CAPN9: variants seen among roughly 807,000 people sequenced by gnomAD.
CAPN9 encodes the protein calpain 9, also known as calpain-9.
CAPN9 carries 81 observed loss-of-function variants against 92.8 expected under a neutral mutation model. That is an observed-to-expected ratio of 0.87 (90% confidence interval 0.73 to 1.05). The LOEUF (loss-of-function observed/expected upper bound fraction) is 1.05. Among genes scored for constraint, CAPN9 ranks in the 50% least tolerant of loss-of-function variants. The pLI is 0.00. For synonymous variants in CAPN9, 304 were observed against 328.0 expected (o/e 0.93, Z 0.79); for missense variants, 848 against 866.2 (o/e 0.98, Z 0.26).
At chr1:230,757,064 G>A (rs1273792949) in intron 2 of CAPN9, among the ~76,000 whole-genome samples, 1 of 44,676 alleles carries the variant, frequency 2.2e-5, no homozygotes, top group Non-Finnish European at 6.9e-5. Context: ...AAGGAAGGAA[G>A]GAAAGGAGAA....
chr1:230,771,561 G>A (rs1430697629), intron 6 of CAPN9, among the ~76,000 whole-genome samples: 1 of 152,178 alleles, frequency 6.6e-6, no homozygotes, highest in Non-Finnish European at 1.5e-5. Context: ...TCTGTGCATG[G>A]GATGCTAGGA....
chr1:230,781,793 C>T (rs898027396), intron 11 of CAPN9, among the ~76,000 whole-genome samples: 4 of 152,166 alleles, frequency 2.6e-5, no homozygotes, highest in Admixed American at 6.5e-5. Flanking sequence ...TTTCATCTTT[C>T]GTTTAGTGAG....
At chr1:230,763,950 C>T (rs1665803669) in intron 4 of CAPN9, among the ~76,000 whole-genome samples, 1 of 152,184 alleles carries the variant, frequency 6.6e-6, no homozygotes, top group Admixed American at 6.5e-5. Context: ...TGGTGAGTGC[C>T]CCCCACATCA....
At chr1:230,754,638 A>C (rs9969999) in intron 1 of CAPN9, among the ~76,000 whole-genome samples, 1 of 62,372 alleles carries the variant, frequency 1.6e-5, no homozygotes, top group East Asian at 3.2e-4. Flanking sequence ...CCCCATCTCC[A>C]CAAAAAAAAA....
intron 4 of CAPN9, among the ~76,000 whole-genome samples, chr1:230,767,155 G>A (rs534160819): frequency 2.0e-5 from 3 of 152,214 alleles, no homozygotes; most frequent in African/African-American, 7.2e-5. Flanking sequence ...TGAGACACAC[G>A]ATTTGAACCT....
chr1:230,779,301 G>A (rs1448071724), intron 9 of CAPN9, among the ~76,000 whole-genome samples, 168 bp downstream of exon 9: 1 of 152,132 alleles, frequency 6.6e-6, no homozygotes, highest in African/African-American at 2.4e-5. Flanking sequence ...GAATTGTTTG[G>A]GGAAACCTCC....
intron 12 of CAPN9, among the ~76,000 whole-genome samples, chr1:230,786,856 C>T (rs1234327520): frequency 6.6e-6 from 1 of 152,038 alleles, no homozygotes; most frequent in Non-Finnish European, 1.5e-5. Context: ...TTACATCTCC[C>T]CTATGTTATG....
At chr1:230,757,797 T>C (rs1333169077) in intron 2 of CAPN9, among the ~76,000 whole-genome samples, 1 of 138,480 alleles carries the variant, frequency 7.2e-6, no homozygotes, top group Non-Finnish European at 1.6e-5. Flanking sequence ...GGGGTAGGGG[T>C]GGAGCTGGGT....
chr1:230,750,524 A>G (rs187630848), intron 1 of CAPN9, among the ~76,000 whole-genome samples: 153 of 152,066 alleles, frequency 1.0e-3, no homozygotes, highest in African/African-American at 3.2e-3. Context: ...CTCTTCTTGC[A>G]GCATAGAGTC....
intron 13 of CAPN9, among the ~76,000 whole-genome samples, chr1:230,789,785 A>G (rs1016871941): frequency 6.6e-6 from 1 of 152,218 alleles, no homozygotes; most frequent in Non-Finnish European, 1.5e-5. Context: ...TGCCTCCAAC[A>G]TAGGAATCAT....
At position 230,780,196 on chromosome 1, in the gene CAPN9, C is replaced by A. The variant is rs1319810317; in HGVS notation, c.1132C>A (p.Pro378Thr). Residue 378 changes from proline to threonine, a missense_variant, in exon 10 of 20, where the codon CCA becomes ACA. By Grantham distance (38) the Pro-to-Thr change is conservative (BLOSUM62 -1). Transcript: ENST00000271971. Reference sequence around the variant, plus strand: ...AATGACAGATACCTTTTGGACCAATCCACAAATAAAATTGTCTCTGACTGA... The same window carrying A: ...AATGACAGATACCTTTTGGACCAATACACAAATAAAATTGTCTCTGACTGA... ...RNFLDTFWTN[P>T]QIKLSLTEKD... 2 of 1,613,054 alleles carry A rather than the reference C, an allele frequency of 1.2e-6. No homozygotes were observed. Among genetic ancestry groups the A allele is most frequent in the Admixed American group, 3.3e-5 (2 of 59,832 alleles).
In CAPN9 at chr1:230,779,090, C is replaced by T. The variant is rs1667032571; in HGVS notation, c.1071C>T (p.Ser357=). The change falls in exon 9 of 20, where the codon AGC becomes AGT. Residue 357 remains serine, a synonymous_variant. Coordinates refer to ENST00000271971, the MANE Select transcript of CAPN9 (RefSeq NM_006615.3). ...HKWEVTVHQG[S]WVRGSTAGGC... is the part of the protein sequence containing the mutation. ...GGGAGGTGACGGTCCATCAGGGAAG[C>T]TGGGTTCGCGGCTCCACGGCTGGGG... 6.2e-7 allele frequency: 1 copy of T among 1,613,160 alleles called. No homozygotes were observed. The highest frequency in any genetic ancestry group is 1.1e-5 in the South Asian group (1 of 91,034).
intron 6 of CAPN9, among the ~76,000 whole-genome samples, chr1:230,771,688 C>T (rs1666395556): frequency 6.6e-6 from 1 of 152,314 alleles, no homozygotes; most frequent in African/African-American, 2.4e-5. Flanking sequence ...AGATCCAAGT[C>T]TAGAGAGAAA....
chr1:230,757,097 A>G (rs1665283408), intron 2 of CAPN9, among the ~76,000 whole-genome samples: 1 of 151,926 alleles, frequency 6.6e-6, no homozygotes, highest in Non-Finnish European at 1.5e-5. Flanking sequence ...CAGGATTTGA[A>G]ACCCGCATAT....
At chr1:230,792,973 AC>A in intron 17 of CAPN9, 45 bp downstream of exon 17, 1 of 1,478,152 alleles carries the variant, frequency 6.8e-7, no homozygotes, top group Non-Finnish European at 9.5e-7. Context: ...CATGCCAGGT[AC>A]TGCCTGTGGG....
chr1:230,774,816 A>G (rs1318729509), intron 8 of CAPN9, among the ~76,000 whole-genome samples, 185 bp downstream of exon 8: 2 of 136,696 alleles, frequency 1.5e-5, no homozygotes, highest in Non-Finnish European at 3.0e-5. Flanking sequence ...ATCTCGTCTC[A>G]CTGCAACCTC....
chr1:230,796,372 AATAAAATT>A (rs1668360767), intron 18 of CAPN9, among the ~76,000 whole-genome samples: 1 of 148,506 alleles, frequency 6.7e-6, no homozygotes, highest in Non-Finnish European at 1.5e-5. Context: ...ATAAATAAAT[AATAAAATT>A]AAATTAAATT....
In CAPN9 at chr1:230,774,643, G is replaced by C. The variant is rs1206585624; in HGVS notation, c.953+12G>C. The C allele has an allele frequency of 3.7e-6, 6 of 1,606,408 alleles. No individual in the cohort carries two copies. The South Asian group carries it at 5.5e-5, about 15-fold the overall frequency. ...GATGGGGAATTCTGGTACCGTGCTT[G>C]TTCCTGTGTTAACTGCAGATACGAG... On this transcript the variant is annotated intron_variant, in intron 8 of 19. Transcript: ENST00000271971.
intron 7 of CAPN9, among the ~76,000 whole-genome samples, chr1:230,773,313 A>G (rs562133039): frequency 5.9e-5 from 9 of 152,166 alleles, no homozygotes; most frequent in Non-Finnish European, 1.0e-4. Context: ...AGGAGGAAAG[A>G]GATTGGCCTC....
Sources: allele counts gnomAD v4.1 joint callset (sites outside exome capture counted in the v4.1 genomes callset), GRCh38; gene constraint gnomAD v4.1.1; transcripts MANE v1.5; gene names NCBI Gene and HGNC (gene_info 2026-07-23, HGNC 2026-07-21).